Variants in PCDHGB1 observed in about 807,000 individuals in gnomAD.
PCDHGB1 encodes the protein protocadherin gamma-B1.
A neutral mutation model predicts 56.6 loss-of-function variants in PCDHGB1; 34 were observed. The observed-to-expected ratio is 0.60, with a 90% CI of 0.46 to 0.80. PCDHGB1 has a LOEUF of 0.80. Among genes scored for constraint, PCDHGB1 ranks in the 30% least tolerant of loss-of-function variants. PCDHGB1 has a pLI of 0.00. For missense variants in PCDHGB1, 1,278 were observed against 1,204.6 expected (o/e 1.06, Z -0.90); for synonymous variants, 561 against 505.9 (o/e 1.11, Z -1.46).
chr5:141,419,447 C>T (rs754931078), intron 1 of PCDHGB1: 8 of 1,613,016 alleles, frequency 5.0e-6, no homozygotes, highest in Non-Finnish European at 4.2e-6. Flanking sequence ...CACCTTCGAG[C>T]TCACGCTGCA....
In PCDHGB1 at chr5:141,384,330, G is replaced by A. The variant is rs758151138; in HGVS notation, c.2409+31661G>A. 44 of 1,613,830 alleles carry A rather than the reference G, an allele frequency of 2.7e-5. No individual in the cohort carries two copies. The African/African-American group carries it at 2.8e-4, about 10-fold the overall frequency. On this transcript the variant is annotated intron_variant, in intron 1 of 3. Coordinates refer to ENST00000523390, the MANE Select transcript of PCDHGB1 (RefSeq NM_018922.3). ...CCTCCATTTTCTTAGTGACTGCACA[G>A]GACCACGACAGTGAGGATAATGCCC...
At position 141,512,116 on chromosome 5, in the gene PCDHGB1, T is replaced by TTA. The variant is rs2099884085; in HGVS notation, c.*943_*944insTA. On this transcript the variant is annotated 3_prime_UTR_variant, in exon 4 of 4. Coordinates refer to ENST00000523390, the MANE Select transcript of PCDHGB1 (RefSeq NM_018922.3). ...ACTAGGCTGGACCCTTCCCACTACA[T>TTA]AATAGGGCTCAGCCCAGGCAGCCAG... 1 of 152,600 alleles carries TTA rather than the reference T, an allele frequency of 6.6e-6. No homozygotes were observed. The highest frequency in any genetic ancestry group is 2.1e-4 in the South Asian group (1 of 4,832). 9.5% of individuals were successfully genotyped at this position (152,600 alleles called of 1,614,324 possible).
In PCDHGB1 at chr5:141,414,101, A is replaced by G. The variant is rs759223225; in HGVS notation, c.2409+61432A>G. On this transcript the variant is annotated intron_variant, in intron 1 of 3. Transcript: ENST00000523390. ...TATACTGGAGAAATAAAAATATCAG[A>G]AAATCTAGATTATGAAGAAACCGGT... 1.9e-6 allele frequency: 3 copies of G among 1,593,930 alleles called. No individual in the cohort carries two copies. The African/African-American group carries it at 4.0e-5, about 21-fold the overall frequency.
chr5:141,413,150 T>C, intron 1 of PCDHGB1: 1 of 1,573,292 alleles, frequency 6.4e-7, no homozygotes. Context: ...AGTGAGGACT[T>C]TGCAGAATTC....
Position 141,406,695 on chromosome 5 carries a change from A to T in PCDHGB1, c.2409+54026A>T, listed in dbSNP as rs62378452. Among the ~76,000 whole-genome samples, 1,219 of 152,310 alleles carry T rather than the reference A, an allele frequency of 8.0e-3. 8 individuals are homozygous for T. Among genetic ancestry groups the T allele is most frequent in the Non-Finnish European group, 0.011 (770 of 68,010 alleles). Reference sequence around the variant, plus strand: ...GAATAGTAGGACATTCTTCTTTTCTATAGTATATGCTTGCTCAAGAGAAGT... The same window carrying T: ...GAATAGTAGGACATTCTTCTTTTCTTTAGTATATGCTTGCTCAAGAGAAGT... On this transcript the variant is annotated intron_variant, in intron 1 of 3. Coordinates refer to ENST00000523390, the MANE Select transcript of PCDHGB1 (RefSeq NM_018922.3).
intron 1 of PCDHGB1, chr5:141,395,139 G>C: frequency 6.2e-7 from 1 of 1,614,144 alleles, no homozygotes. Flanking sequence ...GCCCAACTAC[G>C]CAGACATGCT....
intron 1 of PCDHGB1, chr5:141,441,364 C>T (rs533396852): frequency 6.6e-6 from 1 of 152,646 alleles, no homozygotes; most frequent in South Asian, 2.1e-4. Context: ...CAAATGGGGC[C>T]GTGGACCAGG....
chr5:141,374,574 T>C, intron 1 of PCDHGB1: 1 of 1,613,746 alleles, frequency 6.2e-7, no homozygotes, highest in Non-Finnish European at 8.5e-7. Flanking sequence ...GATGTGGGAA[T>C]GAACTCCCTT....
At position 141,393,888 on chromosome 5, in the gene PCDHGB1, A is replaced by T. The variant is rs371905513; in HGVS notation, c.2409+41219A>T. 2.5e-6 allele frequency: 4 copies of T among 1,613,898 alleles called. No homozygotes were observed. The highest frequency in any genetic ancestry group is 1.3e-5 in the African/African-American group (1 of 74,932). On this transcript the variant is annotated intron_variant, in intron 1 of 3. Transcript: ENST00000523390. ...GTCTTTGTTTAGCCCAGTGTTAGAAAATTCTCTTCCCGGGACAGTAATTGC... is the reference window on the plus strand; with the variant it reads ...GTCTTTGTTTAGCCCAGTGTTAGAATATTCTCTTCCCGGGACAGTAATTGC...
rs557973676 is a variant in PCDHGB1, at chr5:141,429,315, T to C, written c.2410-65492T>C. 9.2e-5 allele frequency among the ~76,000 whole-genome samples: 14 copies of C among 152,298 alleles called. No individual in the cohort carries two copies. In the South Asian group the frequency reaches 2.9e-3, roughly 32 times the overall value. ...ACATCAATATTTGAGTATATAAGGC[T>C]TTTTCTTTAATCCATTAACTATAAA... On this transcript the variant is annotated intron_variant, in intron 1 of 3. Transcript: ENST00000523390.
intron 1 of PCDHGB1, among the ~76,000 whole-genome samples, chr5:141,488,133 G>T (rs1046071550): frequency 6.6e-6 from 1 of 152,198 alleles, no homozygotes; most frequent in Non-Finnish European, 1.5e-5. Context: ...AGAAAGAGGA[G>T]AGAACTAAAG....
intron 1 of PCDHGB1, chr5:141,430,555 TC>T (rs1232264614): frequency 9.7e-6 from 4 of 411,788 alleles, no homozygotes; most frequent in Non-Finnish European, 1.3e-5. Flanking sequence ...TGTTCACCAA[TC>T]GGGGAGAGAA....
At chr5:141,403,721 C>G (rs748888364) in intron 1 of PCDHGB1, 2 of 1,613,872 alleles carry the variant, frequency 1.2e-6, no homozygotes, top group East Asian at 2.2e-5. Flanking sequence ...GAACGTGCCC[C>G]CAGGCACCTG....
intron 1 of PCDHGB1, chr5:141,389,967 G>C: frequency 8.7e-6 from 14 of 1,614,046 alleles, no homozygotes; most frequent in Non-Finnish European, 1.1e-5. Context: ...GGTGGCCTTG[G>C]CCTTGATCTC....
Position 141,477,656 on chromosome 5 carries a change from C to T in PCDHGB1, c.2410-17151C>T, listed in dbSNP as rs755621234. The T allele has an allele frequency of 1.9e-6, 3 of 1,614,184 alleles. No homozygotes were observed. The South Asian group carries it at 3.3e-5, about 18-fold the overall frequency. ...AGTGGGTCGCTATTTCACAATAAATCGTGACAATGGCATAGTGTCATCCTT... is the reference window on the plus strand; with the variant it reads ...AGTGGGTCGCTATTTCACAATAAATTGTGACAATGGCATAGTGTCATCCTT... On this transcript the variant is annotated intron_variant, in intron 1 of 3. Transcript: ENST00000523390. The surrounding 1 kb of genome is among the most constrained non-coding windows in gnomAD (Gnocchi z 4.9).
intron 1 of PCDHGB1, chr5:141,360,375 A>G (rs780377299): frequency 6.2e-7 from 1 of 1,613,872 alleles, no homozygotes; most frequent in Non-Finnish European, 8.5e-7. Context: ...TAAACCCAGA[A>G]AGCGGAGACT....
At chr5:141,403,715 G>A in intron 1 of PCDHGB1, 3 of 1,613,898 alleles carry the variant, frequency 1.9e-6, no homozygotes, top group Non-Finnish European at 2.5e-6. Flanking sequence ...CCTTGAGAAC[G>A]TGCCCCCAGG....
In PCDHGB1 at chr5:141,476,978, C is replaced by G; in HGVS notation, c.2410-17829C>G. 1.2e-6 allele frequency: 2 copies of G among 1,614,256 alleles called. No individual in the cohort carries two copies. Among genetic ancestry groups the G allele is most frequent in the Non-Finnish European group, 1.7e-6 (2 of 1,180,058 alleles). Reference sequence around the variant, plus strand: ...TATTTACTCCTTCGGCAGCCACAACCGCGCCGGCGTGCGGCAACTATTCGC... The same window carrying G: ...TATTTACTCCTTCGGCAGCCACAACGGCGCCGGCGTGCGGCAACTATTCGC... On this transcript the variant is annotated intron_variant, in intron 1 of 3. Transcript: ENST00000523390. This position sits in a 1 kb window ranked among gnomAD's most constrained non-coding sequence, Gnocchi z 7.6.
chr5:141,509,086 A>T lies in PCDHGB1; in HGVS notation c.2558-1861A>T, dbSNP rs147084289. On this transcript the variant is annotated intron_variant, in intron 3 of 3. Coordinates refer to ENST00000523390, the MANE Select transcript of PCDHGB1 (RefSeq NM_018922.3). ...CAGCTCCGGGGATTTGCGACATGAAATGGGGGCTGTAGAAACCTGAGCGCT... is the reference window on the plus strand; with the variant it reads ...CAGCTCCGGGGATTTGCGACATGAATTGGGGGCTGTAGAAACCTGAGCGCT... 8.3e-3 allele frequency among the ~76,000 whole-genome samples: 1,261 copies of T among 152,228 alleles called. 7 individuals are homozygous for T. Among genetic ancestry groups the T allele is most frequent in the Middle Eastern group, 0.037 (11 of 294 alleles).
Sources: allele counts gnomAD v4.1 joint callset (sites outside exome capture counted in the v4.1 genomes callset), GRCh38; gene constraint gnomAD v4.1.1; non-coding constraint Gnocchi (gnomAD v3.1); transcripts MANE v1.5; gene names NCBI Gene and HGNC (gene_info 2026-07-23, HGNC 2026-07-21).